Variants in CDH18 observed in about 807,000 individuals in gnomAD.
The protein encoded by CDH18 is cadherin 18.
Under a neutral mutation model 67.9 loss-of-function variants are expected in CDH18, and 31 were observed. That is an observed-to-expected ratio of 0.46 (90% CI 0.34 to 0.62). The LOEUF is 0.62. Ranked by LOEUF, CDH18 falls within the 20% of genes least tolerant of loss-of-function variation. The pLI is 0.01. For missense variants in CDH18, 890 were observed against 975.5 expected (o/e 0.91, Z 1.17); for synonymous variants, 362 against 347.2 (o/e 1.04, Z -0.48).
intron 2 of CDH18, among the ~76,000 whole-genome samples, chr5:20,000,441 T>C (rs1452988278): frequency 6.6e-6 from 1 of 152,200 alleles, no homozygotes; most frequent in Non-Finnish European, 1.5e-5. Context: ...AAGAGTTTTA[T>C]AGCTTGATCC....
chr5:20,388,127 G>A (rs568861064), intron 1 of CDH18, among the ~76,000 whole-genome samples: 1 of 152,178 alleles, frequency 6.6e-6, no homozygotes, highest in Non-Finnish European at 1.5e-5. Flanking sequence ...GATTGGAATA[G>A]TGTCAGAAGG....
At position 19,791,356 on chromosome 5, in the gene CDH18, AAC is replaced by A. The variant is rs58429751; in HGVS notation, c.229-44122_229-44121del. ...TGATATTCTTGCAATTCGACTTTTA[AAC>A]ACACACACACACACACACACACACA... On this transcript the variant is annotated intron_variant, in intron 3 of 12. Transcript: ENST00000382275. 6.9e-3 allele frequency among the ~76,000 whole-genome samples: 976 copies of A among 141,582 alleles called. 7 individuals carry two copies. The highest frequency in any genetic ancestry group is 0.019 in the African/African-American group (736 of 37,892). The allele number at this position is 141,582 out of a possible 152,430, so 92.9% of individuals were successfully genotyped here.
chr5:20,559,777 T>C (rs965477615), intron 1 of CDH18, among the ~76,000 whole-genome samples: 1 of 151,962 alleles, frequency 6.6e-6, no homozygotes, highest in Non-Finnish European at 1.5e-5. Flanking sequence ...GGTTGAAAAG[T>C]TTTATGCATA....
intron 2 of CDH18, among the ~76,000 whole-genome samples, chr5:20,201,446 T>C (rs1436190311): frequency 1.3e-5 from 2 of 152,074 alleles, no homozygotes; most frequent in Non-Finnish European, 2.9e-5. Flanking sequence ...GAAGGCAAAA[T>C]AGGATTGCAA....
At chr5:20,573,917 A>C (rs1758967461) in intron 1 of CDH18, among the ~76,000 whole-genome samples, 1 of 77,756 alleles carries the variant, frequency 1.3e-5, no homozygotes, top group Admixed American at 1.4e-4. Flanking sequence ...ATTTATATAT[A>C]TAAAAGAAAT....
chr5:19,583,482 G>A (rs1743609583), intron 7 of CDH18, among the ~76,000 whole-genome samples: 2 of 152,134 alleles, frequency 1.3e-5, no homozygotes, highest in African/African-American at 4.8e-5. Context: ...TATACATTGT[G>A]TTGTAATATA....
At chr5:19,491,964 A>T (rs570085909) in intron 11 of CDH18, among the ~76,000 whole-genome samples, 1 of 152,210 alleles carries the variant, frequency 6.6e-6, no homozygotes, top group Admixed American at 6.5e-5. Flanking sequence ...TGACTCATTT[A>T]TTTTTAAAGA....
chr5:20,134,575 C>G (rs942883596), intron 2 of CDH18, among the ~76,000 whole-genome samples: 3 of 152,140 alleles, frequency 2.0e-5, no homozygotes, highest in African/African-American at 4.8e-5. Flanking sequence ...GAGTCTCCAC[C>G]TGGTCCCTTC....
At chr5:20,475,052 A>G (rs1752342026) in intron 1 of CDH18, among the ~76,000 whole-genome samples, 2 of 145,148 alleles carry the variant, frequency 1.4e-5, no homozygotes, top group South Asian at 2.3e-4. Flanking sequence ...TTATTTCCAG[A>G]AAAAACTTGA....
chr5:20,353,371 T>C (rs1293001451), intron 1 of CDH18, among the ~76,000 whole-genome samples: 2 of 152,210 alleles, frequency 1.3e-5, no homozygotes, highest in Non-Finnish European at 2.9e-5. Flanking sequence ...TATAAATTAT[T>C]AATAAGATGT....
At chr5:19,849,719 TATATATACACGCATATATATAAAC>T (rs1783466502) in intron 2 of CDH18, among the ~76,000 whole-genome samples, 1 of 27,982 alleles carries the variant, frequency 3.6e-5, no homozygotes, top group Non-Finnish European at 1.4e-4. Context: ...TATAAACATA[TATATATACACGCATATATATAAAC>T]ATATATATAC....
chr5:20,017,222 G>A (rs1737954713), intron 2 of CDH18, among the ~76,000 whole-genome samples: 1 of 152,058 alleles, frequency 6.6e-6, no homozygotes, highest in African/African-American at 2.4e-5. Flanking sequence ...TGGAAAGTTG[G>A]CTTTGGCTGA....
chr5:20,413,256 G>C (rs186333123), intron 1 of CDH18, among the ~76,000 whole-genome samples: 1 of 152,298 alleles, frequency 6.6e-6, no homozygotes, highest in Non-Finnish European at 1.5e-5. Flanking sequence ...ATTGTGAATA[G>C]TGCCGCAATA....
intron 3 of CDH18, among the ~76,000 whole-genome samples, chr5:19,776,955 A>G (rs1774457872): frequency 6.6e-6 from 1 of 152,212 alleles, no homozygotes; most frequent in Non-Finnish European, 1.5e-5. Flanking sequence ...ACACAACATA[A>G]TGCTTGAGTC....
intron 1 of CDH18, among the ~76,000 whole-genome samples, chr5:20,396,225 T>C (rs1464462571): frequency 6.6e-6 from 1 of 152,054 alleles, no homozygotes; most frequent in Non-Finnish European, 1.5e-5. Context: ...ATCTGACAAC[T>C]GCAGGCTGAA....
At chr5:20,057,424 A>G (rs965765878) in intron 2 of CDH18, among the ~76,000 whole-genome samples, 12 of 152,160 alleles carry the variant, frequency 7.9e-5, no homozygotes, top group African/African-American at 2.9e-4. Flanking sequence ...TGAAATTATT[A>G]ATTCATATGA....
chr5:20,209,470 C>A (rs1468691448), intron 2 of CDH18, among the ~76,000 whole-genome samples: 1 of 151,900 alleles, frequency 6.6e-6, no homozygotes, highest in African/African-American at 2.4e-5. Flanking sequence ...AACTGGAGGT[C>A]CTTATGTTAA....
chr5:19,747,960 A>G (rs957155898), intron 3 of CDH18, among the ~76,000 whole-genome samples: 1 of 150,774 alleles, frequency 6.6e-6, no homozygotes, highest in Non-Finnish European at 1.5e-5. Context: ...AGTACAAAAA[A>G]AAACTAGCCG....
intron 11 of CDH18, among the ~76,000 whole-genome samples, chr5:19,502,433 G>A (rs1328160671): frequency 1.3e-5 from 2 of 151,996 alleles, no homozygotes; most frequent in South Asian, 2.1e-4. Context: ...TAAATTATGG[G>A]ATTATTTTTA....
Sources: gnomAD v4.1 joint callset for allele counts (sites outside exome capture counted in the v4.1 genomes callset) on GRCh38, gnomAD v4.1.1 for gene constraint, MANE v1.5 for transcripts, NCBI Gene and HGNC (gene_info 2026-07-23, HGNC 2026-07-21) for gene names.